ATP1B3: variants seen among roughly 807,000 people sequenced by gnomAD.
ATP1B3 encodes the protein sodium/potassium-transporting ATPase subunit beta-3.
Under a neutral mutation model 30.2 loss-of-function variants are expected in ATP1B3, and 10 were observed. The observed-to-expected ratio is 0.33, with a 90% CI of 0.20 to 0.56. ATP1B3 has a LOEUF of 0.56. ATP1B3 is among the 20% of genes least tolerant of loss of function. ATP1B3 has a pLI of 0.90. For missense variants in ATP1B3, 238 were observed against 336.7 expected, an observed-to-expected ratio of 0.71 and a Z score of 2.29; for synonymous variants, 113 against 117.0, an observed-to-expected ratio of 0.97 and a Z score of 0.22.
chr3:141,917,008 TC>T (rs1934476584), intron 5 of ATP1B3, among the ~76,000 whole-genome samples: 1 of 138,836 alleles, frequency 7.2e-6, no homozygotes, highest in African/African-American at 2.8e-5. Flanking sequence ...CTACAGGCGC[TC>T]CCGGCTAATT....
In ATP1B3 at chr3:141,890,289, T is replaced by C. The variant is rs888915553; in HGVS notation, c.110-13331T>C. ...TTTGTTTGTTTTTTTGTGGGGCTTTTTTTTTTTTTTTTTTTTTTTTTTTTT... is the reference window on the plus strand; with the variant it reads ...TTTGTTTGTTTTTTTGTGGGGCTTTCTTTTTTTTTTTTTTTTTTTTTTTTT... On this transcript the variant is annotated intron_variant, in intron 1 of 6. Transcript: ENST00000286371. 8.5e-4 allele frequency among the ~76,000 whole-genome samples: 11 copies of C among 12,956 alleles called. 2 individuals are homozygous for C. The highest frequency in any genetic ancestry group is 2.8e-3 in the African/African-American group (5 of 1,818). 8.5% of individuals were successfully genotyped at this position (12,956 alleles called of 152,430 possible).
intron 1 of ATP1B3, among the ~76,000 whole-genome samples, chr3:141,877,855 C>G (rs1268938193): frequency 3.0e-5 from 4 of 135,354 alleles, no homozygotes; most frequent in African/African-American, 8.5e-5. Flanking sequence ...TGCCTTTATA[C>G]TTAAGTAAAC....
At chr3:141,907,119 AAAG>A in intron 2 of ATP1B3, 45 bp from the exon 3 acceptor site, 6 of 1,431,390 alleles carry the variant, frequency 4.2e-6, no homozygotes, top group African/African-American at 2.9e-5. Context: ...AGAGGAAGGA[AAAG>A]AAGAGAAGGA....
At chr3:141,923,831 T>C (rs1377866506) in intron 6 of ATP1B3, among the ~76,000 whole-genome samples, 1 of 152,000 alleles carries the variant, frequency 6.6e-6, no homozygotes, top group Non-Finnish European at 1.5e-5. Flanking sequence ...TTAGTTGGAG[T>C]TTGGTGGTTT....
chr3:141,897,106 C>G (rs1934081143), intron 1 of ATP1B3, among the ~76,000 whole-genome samples: 2 of 152,120 alleles, frequency 1.3e-5, no homozygotes, highest in South Asian at 4.1e-4. Context: ...TTGCTAGTTG[C>G]TTGGCACCAG....
chr3:141,916,107 C>A, intron 5 of ATP1B3, 87 bp downstream of exon 5: 1 of 1,218,122 alleles, frequency 8.2e-7, no homozygotes, highest in Non-Finnish European at 1.2e-6. Context: ...TCTTTTTTTT[C>A]TTCCCTGTCA....
intron 2 of ATP1B3, among the ~76,000 whole-genome samples, chr3:141,905,300 CAT>C (rs974372102): frequency 1.3e-5 from 2 of 152,064 alleles, no homozygotes; most frequent in African/African-American, 4.8e-5. Context: ...ACCACTGAGT[CAT>C]ATGGCAGCGT....
chr3:141,893,363 T>C (rs1482283271), intron 1 of ATP1B3, among the ~76,000 whole-genome samples: 1 of 152,108 alleles, frequency 6.6e-6, no homozygotes, highest in Admixed American at 6.6e-5. Flanking sequence ...GTATAGGATG[T>C]TTTCCAGTAT....
At chr3:141,882,544 G>T (rs1012494333) in intron 1 of ATP1B3, among the ~76,000 whole-genome samples, 1 of 152,012 alleles carries the variant, frequency 6.6e-6, no homozygotes, top group African/African-American at 2.4e-5. Context: ...TACTATCTCT[G>T]TTGGGACTCC....
At chr3:141,890,700 A>G (rs752841716) in intron 1 of ATP1B3, among the ~76,000 whole-genome samples, 94 of 147,686 alleles carry the variant, frequency 6.4e-4, no homozygotes, top group Non-Finnish European at 1.1e-3. Flanking sequence ...TGCCTCCCAC[A>G]GTGCTGGGAT....
At chr3:141,900,269 A>G (rs950585275) in intron 1 of ATP1B3, among the ~76,000 whole-genome samples, 3 of 152,048 alleles carry the variant, frequency 2.0e-5, no homozygotes, top group Admixed American at 6.6e-5. Flanking sequence ...AGGGCTGGAG[A>G]CTGAGCTATA....
intron 1 of ATP1B3, among the ~76,000 whole-genome samples, chr3:141,896,327 T>A (rs537930822): frequency 2.8e-4 from 41 of 147,194 alleles, no homozygotes; most frequent in Admixed American, 2.2e-3. Context: ...AAAAAAAAAA[T>A]TTTCTTAAGA....
At chr3:141,921,649 G>C in intron 5 of ATP1B3, 1 of 177,764 alleles carries the variant, frequency 5.6e-6, no homozygotes, top group Non-Finnish European at 1.2e-5. Flanking sequence ...CTGTTAGTAG[G>C]TAGAAAGGCT....
chr3:141,879,420 G>A (rs1933677136), intron 1 of ATP1B3, among the ~76,000 whole-genome samples: 1 of 152,056 alleles, frequency 6.6e-6, no homozygotes, highest in Non-Finnish European at 1.5e-5. Flanking sequence ...ATGTAGTGGT[G>A]TCTCATACCT....
At chr3:141,916,518 TC>T (rs1171546056) in intron 5 of ATP1B3, 6 of 1,279,304 alleles carry the variant, frequency 4.7e-6, no homozygotes, top group Non-Finnish European at 6.1e-6. Flanking sequence ...CTCATAACTT[TC>T]TTTTGTTTTC....
At chr3:141,918,939 G>T (rs541838449) in intron 5 of ATP1B3, 1 of 152,136 alleles carries the variant, frequency 6.6e-6, no homozygotes, top group East Asian at 1.9e-4. Context: ...TTATTTAGTT[G>T]TGGATTTTTT....
chr3:141,876,891 G>A lies in ATP1B3; in HGVS notation c.90G>A (p.Gly30=), dbSNP rs1289652108. 7.0e-6 allele frequency: 11 copies of A among 1,581,500 alleles called. No individual in the cohort carries two copies. In the African/African-American group the frequency reaches 1.3e-4, roughly 18 times the overall value. The change falls in exon 1 of 7, where the codon GGG becomes GGA. Residue 30 remains glycine, a synonymous_variant. Coordinates refer to ENST00000286371, the MANE Select transcript of ATP1B3 (RefSeq NM_001679.4). ...IYNPTTGEFL[G]RTAKSWGLIL... Reference sequence around the variant, plus strand: ...ACCCGACCACCGGAGAATTCCTGGGGCGCACCGCCAAGAGCTGGGGTGAGC... The same window carrying A: ...ACCCGACCACCGGAGAATTCCTGGGACGCACCGCCAAGAGCTGGGGTGAGC...
In ATP1B3 at chr3:141,876,774, A is replaced by C. The variant is rs1381303139; in HGVS notation, c.-28A>C. ...TCGCCGCCTCCATCCCCGCGGCCGC[A>C]GCTCCTCTCGCCGTCCGCGCGCACA... On this transcript the variant is annotated 5_prime_UTR_variant, in exon 1 of 7. Coordinates refer to ENST00000286371, the MANE Select transcript of ATP1B3 (RefSeq NM_001679.4). 2 of 1,569,252 alleles carry C rather than the reference A, an allele frequency of 1.3e-6. No individual in the cohort carries two copies. Among genetic ancestry groups the C allele is most frequent in the East Asian group, 2.4e-5 (1 of 41,822 alleles).
intron 5 of ATP1B3, among the ~76,000 whole-genome samples, chr3:141,919,694 T>G (rs1009466002): frequency 7.9e-5 from 12 of 152,166 alleles, no homozygotes; most frequent in Non-Finnish European, 1.5e-4. Flanking sequence ...ATTCCAGCAC[T>G]TTGGGAGGCC....
Sources: allele counts gnomAD v4.1 joint callset (sites outside exome capture counted in the v4.1 genomes callset), GRCh38; gene constraint gnomAD v4.1.1; transcripts MANE v1.5; gene names NCBI Gene and HGNC (gene_info 2026-07-23, HGNC 2026-07-21).